Variants in RBFOX1 observed in about 807,000 individuals in gnomAD.
RBFOX1 encodes the protein RNA binding fox-1 homolog 1.
In RBFOX1, 8 loss-of-function variants were observed where a neutral mutation model predicts 57.7. That is an observed-to-expected ratio of 0.14 (90% CI 0.08 to 0.25). The LOEUF (loss-of-function observed/expected upper bound fraction) is 0.25, where lower values mean the gene tolerates loss of function less well. Ranked by LOEUF, RBFOX1 falls within the 10% of genes least tolerant of loss-of-function variation. The pLI is 1.00. For missense variants in RBFOX1, 611 were observed against 548.5 expected, an observed-to-expected ratio of 1.11 and a Z score of -1.14; for synonymous variants, 326 against 222.4, an observed-to-expected ratio of 1.47 and a Z score of -4.15.
rs545680783 is a variant in RBFOX1, at chr16:6,770,301, A to G, written c.-16+115651A>G. On this transcript the variant is annotated intron_variant, in intron 3 of 15. Coordinates refer to ENST00000550418, the MANE Select transcript of RBFOX1 (RefSeq NM_018723.4). ...TTAAACTTGACCAAATCCAGTAGCA[A>G]TTGAAACTGTACAAATCAAATAATG... Among the ~76,000 whole-genome samples the G allele has an allele frequency of 2.0e-5, 3 of 152,300 alleles. No homozygotes were observed. The East Asian group carries it at 5.8e-4, about 29-fold the overall frequency.
chr16:6,474,777 G>T (rs1378845860), intron 2 of RBFOX1, among the ~76,000 whole-genome samples: 1 of 152,158 alleles, frequency 6.6e-6, no homozygotes, highest in Admixed American at 6.5e-5. Flanking sequence ...TAGAATTCTG[G>T]TTCCTTAGAT....
At chr16:5,652,958 G>A (rs758704973) in intron 3 of RBFOX1, among the ~76,000 whole-genome samples, 1 of 152,214 alleles carries the variant, frequency 6.6e-6, no homozygotes, top group Non-Finnish European at 1.5e-5. Flanking sequence ...GGTCTCTGCT[G>A]CACCCTGTGC....
At chr16:7,094,744 CTGTG>C (rs370249382) in intron 4 of RBFOX1, among the ~76,000 whole-genome samples, 330 of 139,426 alleles carry the variant, frequency 2.4e-3, no homozygotes, top group African/African-American at 5.5e-3. Context: ...GACTGTACAG[CTGTG>C]TGTGTGTGTG....
At chr16:6,528,448 C>T (rs970911347) in intron 2 of RBFOX1, among the ~76,000 whole-genome samples, 4 of 152,184 alleles carry the variant, frequency 2.6e-5, no homozygotes, top group Non-Finnish European at 5.9e-5. Flanking sequence ...TGACTTTCTC[C>T]TGTTTGTTTA....
At chr16:6,870,742 C>T (rs1030772376) in intron 3 of RBFOX1, among the ~76,000 whole-genome samples, 1 of 152,126 alleles carries the variant, frequency 6.6e-6, no homozygotes, top group Non-Finnish European at 1.5e-5. Context: ...CACCAAAACT[C>T]CTCCCCACCC....
chr16:6,567,844 C>T (rs2097289028), intron 2 of RBFOX1, among the ~76,000 whole-genome samples: 1 of 152,130 alleles, frequency 6.6e-6, no homozygotes, highest in Non-Finnish European at 1.5e-5. Flanking sequence ...TTTTTAGAGA[C>T]AGGGTCTCAC....
intron 3 of RBFOX1, among the ~76,000 whole-genome samples, chr16:5,756,286 T>C: frequency 7.7e-6 from 1 of 130,508 alleles, no homozygotes. Context: ...ACATATGAAA[T>C]GCCGTGGGGT....
At chr16:7,591,989 T>A (rs140783280) in intron 7 of RBFOX1, among the ~76,000 whole-genome samples, 1 of 152,082 alleles carries the variant, frequency 6.6e-6, no homozygotes, top group East Asian at 1.9e-4. Flanking sequence ...CTGGTTACAT[T>A]GCAACCCTCA....
chr16:7,202,298 TAAAAAA>T, intron 4 of RBFOX1, among the ~76,000 whole-genome samples: 1 of 131,736 alleles, frequency 7.6e-6, no homozygotes, highest in East Asian at 2.1e-4. Flanking sequence ...TGGCTGCAAA[TAAAAAA>T]AAAAAAAAAA....
chr16:7,165,857 C>A (rs957109536), intron 4 of RBFOX1, among the ~76,000 whole-genome samples: 1 of 151,638 alleles, frequency 6.6e-6, no homozygotes, highest in African/African-American at 2.4e-5. Flanking sequence ...TGATATTACT[C>A]CTTTTGATGT....
Position 5,405,717 on chromosome 16 carries a change from G to C in RBFOX1, c.220-61499G>C, listed in dbSNP as rs73522505. Among the ~76,000 whole-genome samples the C allele has an allele frequency of 3.5e-3, 532 of 152,326 alleles. 7 individuals are homozygous for C. Among genetic ancestry groups the C allele is most frequent in the African/African-American group, 0.012 (493 of 41,584 alleles). On this transcript the variant is annotated intron_variant, in intron 1 of 2. Coordinates refer to the RBFOX1 transcript ENST00000585867. ...ATGGGAGGCAGACTTGGTTTGCGGG[G>C]ATAAGTTATTGTTGGTCTAAGCCAG... is the stretch of plus-strand genomic sequence containing the variant.
chr16:5,797,349 C>T (rs974819506), intron 3 of RBFOX1, among the ~76,000 whole-genome samples: 48 of 152,182 alleles, frequency 3.2e-4, no homozygotes, highest in Admixed American at 3.1e-3. Context: ...CTTCTTGGGA[C>T]CCTCCACTTC....
At chr16:6,841,450 A>G (rs1477809484) in intron 3 of RBFOX1, among the ~76,000 whole-genome samples, 2 of 152,134 alleles carry the variant, frequency 1.3e-5, no homozygotes, top group African/African-American at 4.8e-5. Flanking sequence ...TTTGCTTGTC[A>G]ATAAAACCCT....
In RBFOX1 at chr16:5,394,970, G is replaced by A. The variant is rs997434654; in HGVS notation, c.220-72246G>A. Among the ~76,000 whole-genome samples the A allele has an allele frequency of 2.7e-4, 41 of 152,104 alleles. 2 individuals are homozygous for A. The highest frequency in any genetic ancestry group is 2.9e-5 in the Non-Finnish European group (2 of 68,028). On this transcript the variant is annotated intron_variant, in intron 1 of 2. Coordinates refer to the RBFOX1 transcript ENST00000585867. The stretch of plus-strand genomic sequence containing the variant: ...GATTCTCCTGAAGCTTAATCTGATG[G>A]TGTTGCCCTCTGGCCTGTACCTTCA...
At chr16:6,549,087 G>A (rs1344608441) in intron 2 of RBFOX1, among the ~76,000 whole-genome samples, 2 of 131,128 alleles carry the variant, frequency 1.5e-5, no homozygotes, top group African/African-American at 5.9e-5. Context: ...AAAAAGGGAG[G>A]AGGGAAGAGG....
chr16:7,554,215 G>C (rs539743244), intron 5 of RBFOX1, among the ~76,000 whole-genome samples: 3 of 152,246 alleles, frequency 2.0e-5, no homozygotes, highest in African/African-American at 7.2e-5. Flanking sequence ...CTAGGATCGA[G>C]CTAGGGGAAC....
intron 3 of RBFOX1, among the ~76,000 whole-genome samples, chr16:5,774,841 C>T (rs1224320870): frequency 1.3e-5 from 2 of 152,162 alleles, no homozygotes; most frequent in Non-Finnish European, 2.9e-5. Flanking sequence ...TGCCACCACA[C>T]CTAGCTAATT....
chr16:7,455,785 C>CAAAAAAAAAAA (rs369544031), intron 4 of RBFOX1, among the ~76,000 whole-genome samples: 8 of 82,750 alleles, frequency 9.7e-5, no homozygotes, highest in East Asian at 4.1e-4. Context: ...GACTCCATCT[C>CAAAAAAAAAAA]AAAAAAAAAA....
intron 3 of RBFOX1, among the ~76,000 whole-genome samples, chr16:5,723,377 G>T (rs1395304726): frequency 2.0e-5 from 3 of 150,258 alleles, no homozygotes; most frequent in Admixed American, 6.6e-5. Flanking sequence ...CCCACAGGAA[G>T]CTGTGGATTA....
Sources: allele counts gnomAD v4.1 joint callset (sites outside exome capture counted in the v4.1 genomes callset), GRCh38; gene constraint gnomAD v4.1.1; transcripts MANE v1.5; gene names NCBI Gene and HGNC (gene_info 2026-07-23, HGNC 2026-07-21).